Variants in MAD1L1 observed in about 807,000 individuals in gnomAD.
MAD1L1 encodes the protein mitotic arrest deficient 1 like 1.
In MAD1L1, 95 loss-of-function variants were observed where a neutral mutation model predicts 96.9. That is an observed-to-expected ratio of 0.98 (90% CI 0.83 to 1.16). MAD1L1 has a LOEUF of 1.16. Ranked by LOEUF, MAD1L1 falls within the 50% of genes most tolerant of loss-of-function variation. The pLI, the probability that MAD1L1 is intolerant of heterozygous loss-of-function variation, is 0.00. For synonymous variants in MAD1L1, 473 were observed against 396.6 expected (o/e 1.19, Z -2.29); for missense variants, 1,007 against 954.4 (o/e 1.06, Z -0.73).
At chr7:2,030,221 C>T (rs73047021) in intron 12 of MAD1L1, among the ~76,000 whole-genome samples, 5,206 of 152,284 alleles carry the variant, frequency 0.034, 189 homozygotes, top group Admixed American at 0.096. Flanking sequence ...ACGGAAGGTC[C>T]ACACACAGCC....
chr7:2,084,150 G>A (rs760782058), intron 11 of MAD1L1, among the ~76,000 whole-genome samples: 11 of 152,240 alleles, frequency 7.2e-5, no homozygotes, highest in South Asian at 2.1e-4. Flanking sequence ...TGGACACTCC[G>A]CAGGATCTGG....
intron 18 of MAD1L1, among the ~76,000 whole-genome samples, chr7:1,885,370 A>G (rs1026257728): frequency 6.6e-6 from 1 of 152,102 alleles, no homozygotes; most frequent in Non-Finnish European, 1.5e-5. Flanking sequence ...AGCTCTGCCT[A>G]GAGAAAGATG....
intron 11 of MAD1L1, among the ~76,000 whole-genome samples, chr7:2,069,961 C>T (rs910062242): frequency 2.6e-4 from 40 of 152,372 alleles, no homozygotes; most frequent in Admixed American, 2.4e-3. Flanking sequence ...TCCCTGTGCT[C>T]GTTGCCTGTC....
At chr7:2,152,560 A>G (rs1328738189) in intron 10 of MAD1L1, among the ~76,000 whole-genome samples, 2 of 152,196 alleles carry the variant, frequency 1.3e-5, no homozygotes, top group Non-Finnish European at 2.9e-5. Context: ...GTCACACGGG[A>G]CCAGTCTACT....
At chr7:1,889,326 G>A (rs1211495236) in intron 18 of MAD1L1, among the ~76,000 whole-genome samples, 2 of 152,248 alleles carry the variant, frequency 1.3e-5, no homozygotes, top group Non-Finnish European at 2.9e-5. Context: ...GGCCTCAGAT[G>A]CTGAGGAGGC....
At chr7:1,982,265 G>C (rs569651584) in intron 14 of MAD1L1, among the ~76,000 whole-genome samples, 67 of 152,004 alleles carry the variant, frequency 4.4e-4, no homozygotes, top group African/African-American at 1.0e-3. Context: ...ACCCAGGCTC[G>C]AGTGCAGTGG....
chr7:2,049,149 T>C (rs1313188050), intron 12 of MAD1L1, among the ~76,000 whole-genome samples: 1 of 152,164 alleles, frequency 6.6e-6, no homozygotes, highest in Non-Finnish European at 1.5e-5. Flanking sequence ...GGGTGAGGCG[T>C]GCATGCTTCA....
intron 7 of MAD1L1, among the ~76,000 whole-genome samples, chr7:2,217,523 A>G (rs573785156): frequency 2.0e-5 from 3 of 152,342 alleles, no homozygotes; most frequent in Non-Finnish European, 4.4e-5. Context: ...TCCAGGCAAC[A>G]GGAGGCAGGA....
chr7:1,822,575 G>A (rs931071147), intron 18 of MAD1L1, among the ~76,000 whole-genome samples: 6 of 151,406 alleles, frequency 4.0e-5, no homozygotes, highest in Non-Finnish European at 8.8e-5. Flanking sequence ...CTACAGGTGC[G>A]CACCACCACT....
chr7:1,958,905 C>A (rs762445842), intron 15 of MAD1L1, among the ~76,000 whole-genome samples: 3 of 152,076 alleles, frequency 2.0e-5, no homozygotes, highest in Non-Finnish European at 4.4e-5. Flanking sequence ...GATTAGAATC[C>A]GTAAGAGAAA....
intron 10 of MAD1L1, among the ~76,000 whole-genome samples, chr7:2,185,092 A>G (rs572168779): frequency 5.3e-5 from 8 of 152,280 alleles, no homozygotes; most frequent in Non-Finnish European, 8.8e-5. Context: ...TGTTGTCCAA[A>G]AGCAGGGCCA....
intron 12 of MAD1L1, among the ~76,000 whole-genome samples, chr7:2,019,664 C>A (rs1225649982): frequency 6.6e-6 from 1 of 152,078 alleles, no homozygotes; most frequent in Non-Finnish European, 1.5e-5. Flanking sequence ...CCCCAGCCAC[C>A]CCCCACACAA....
rs1583698281 is a variant in MAD1L1 at position 1,898,361 on chromosome 7, G to T, written c.1837C>A (p.Leu613Met). The change falls in exon 18 of 19, where the codon CTG becomes ATG. Residue 613 changes from leucine to methionine, a missense_variant. Transcript: ENST00000265854. ...ELKKQVESAE[L>M]KNQRLKEVFQ... ...ACCTCCTTGAGCCGCTGGTTCTTCA[G>T]CTCGGCACTCTCCACCTGCTTCTTC... 67 of 1,614,038 alleles carry T rather than the reference G, an allele frequency of 4.2e-5. No homozygotes were observed. Among genetic ancestry groups the T allele is most frequent in the Non-Finnish European group, 5.4e-5 (64 of 1,180,008 alleles).
chr7:2,055,021 A>C (rs943899651), intron 12 of MAD1L1, among the ~76,000 whole-genome samples: 1 of 152,172 alleles, frequency 6.6e-6, no homozygotes, highest in Non-Finnish European at 1.5e-5. Flanking sequence ...GCAGGGCCCG[A>C]ACTCCATCTG....
intron 12 of MAD1L1, among the ~76,000 whole-genome samples, chr7:2,048,439 T>A (rs1205694369): frequency 6.6e-6 from 1 of 152,192 alleles, no homozygotes; most frequent in Non-Finnish European, 1.5e-5. Flanking sequence ...GTTAATGAAA[T>A]GAGAAGTTAC....
chr7:1,913,830 T>C (rs1267040459), intron 17 of MAD1L1, among the ~76,000 whole-genome samples: 1 of 152,108 alleles, frequency 6.6e-6, no homozygotes, highest in Non-Finnish European at 1.5e-5. Flanking sequence ...GCCTCCGCCA[T>C]ACAGACTTCA....
chr7:2,148,734 G>C (rs1210826081), intron 11 of MAD1L1: 1 of 192,488 alleles, frequency 5.2e-6, no homozygotes, highest in African/African-American at 2.3e-5. Flanking sequence ...TATTCATAGT[G>C]AGCCCCTTCC....
chr7:2,005,789 A>G (rs558404954), intron 13 of MAD1L1, among the ~76,000 whole-genome samples: 8 of 152,320 alleles, frequency 5.3e-5, no homozygotes, highest in South Asian at 4.1e-4. Flanking sequence ...CAACAGAGTG[A>G]GACCCTGTGT....
At position 1,904,722 on chromosome 7, in the gene MAD1L1, C is replaced by T. The variant is rs148350432; in HGVS notation, c.1808-6332G>A. 5.0e-3 allele frequency among the ~76,000 whole-genome samples: 595 copies of T among 118,272 alleles called. 134 individuals are homozygous for T. Among genetic ancestry groups the T allele is most frequent in the African/African-American group, 0.019 (473 of 24,614 alleles). The allele number at this position is 118,272 out of a possible 152,430, so 77.6% of individuals were successfully genotyped here. A position where few individuals can be genotyped will look rare whatever the true frequency, so the allele number is the denominator to read the frequency against. On this transcript the variant is annotated intron_variant, in intron 17 of 18. Transcript: ENST00000265854. The stretch of plus-strand genomic sequence containing the variant: ...CAGTGGCCTATGGAAGACGCTCTTG[C>T]GGAACTCATGATTGATCAATCACTG...
Sources: gnomAD v4.1 joint callset for allele counts (sites outside exome capture counted in the v4.1 genomes callset) on GRCh38, gnomAD v4.1.1 for gene constraint, MANE v1.5 for transcripts, NCBI Gene and HGNC (gene_info 2026-07-23, HGNC 2026-07-21) for gene names.